The following CCNG2 variants were observed in gnomAD, a reference collection of about 807,000 sequenced individuals.
The protein encoded by CCNG2 is cyclin-G2.
CCNG2 carries 20 observed loss-of-function variants against 36.5 expected under a neutral mutation model. That is an observed-to-expected ratio of 0.55 (90% CI 0.39 to 0.80). The LOEUF (loss-of-function observed/expected upper bound fraction) is 0.80. Ranked by LOEUF, CCNG2 falls within the 30% of genes least tolerant of loss-of-function variation. CCNG2 has a pLI of 0.00. For missense variants in CCNG2, 358 were observed against 390.8 expected (o/e 0.92, Z 0.71); for synonymous variants, 155 against 140.1 (o/e 1.11, Z -0.75).
chr4:77,165,650 T>C, intron 7 of CCNG2, 151 bp from the exon 8 acceptor site: 1 of 574,876 alleles, frequency 1.7e-6, no homozygotes, highest in Non-Finnish European at 2.9e-6. Flanking sequence ...AGACTTCATT[T>C]AGGAAGTCCT....
At position 77,160,778 on chromosome 4, in the gene CCNG2, A is replaced by G. The variant is rs1397806842; in HGVS notation, c.334A>G (p.Ile112Val). ...CTGTTCTTTTTTGCTGGCTGCTAGA[A>G]TAGTTGAAGAAGACTGCAATATTCC... is the stretch of plus-strand genomic sequence containing the variant. ...GVCSFLLAAR[I>V]VEEDCNIPST... Residue 112 changes from isoleucine to valine, a missense_variant, in exon 4 of 8, where the codon ATA (isoleucine) becomes GTA (valine). Transcript: ENST00000316355. The G allele has an allele frequency of 6.2e-7, 1 of 1,614,078 alleles. No homozygotes were observed. The highest frequency in any genetic ancestry group is 8.5e-7 in the Non-Finnish European group (1 of 1,179,972).
chr4:77,165,585 G>A (rs1449825852), intron 7 of CCNG2, among the ~76,000 whole-genome samples: 1 of 151,882 alleles, frequency 6.6e-6, no homozygotes, highest in Non-Finnish European at 1.5e-5. Flanking sequence ...AGGATGACAG[G>A]GATGAGCCAC....
At chr4:77,158,482 C>T in intron 1 of CCNG2, 51 bp from the exon 2 acceptor site, 1 of 1,603,500 alleles carries the variant, frequency 6.2e-7, no homozygotes, top group Non-Finnish European at 8.5e-7. Context: ...TCCCGCTTCC[C>T]CACCCCTCTT....
At chr4:77,161,852 A>C (rs1156753979) in intron 6 of CCNG2, 105 bp downstream of exon 6, 2 of 685,720 alleles carry the variant, frequency 2.9e-6, no homozygotes, top group Non-Finnish European at 4.9e-6. Context: ...CTTAACTTTT[A>C]CACTTGTTTT....
intron 3 of CCNG2, 68 bp downstream of exon 3, chr4:77,159,572 G>T (rs931246994): frequency 1.3e-6 from 2 of 1,482,494 alleles, no homozygotes; most frequent in Non-Finnish European, 1.8e-6. Context: ...CAGGGTTCAA[G>T]AAATATTTAT....
rs755836994 is a variant in CCNG2 at position 77,158,646 on chromosome 4, G to C, written c.114G>C (p.Leu38=). ...GATTCCAACCTCGAGAAAAAGGGCT[G>C]AGTTTGATTGAGGCTACCCCGGAGG... The part of the protein sequence containing the change: ...EERFQPREKG[L]SLIEATPEND... Residue 38 remains leucine (L), a synonymous_variant, in exon 2 of 8, where the codon CTG becomes CTC. Transcript: ENST00000316355. 3.7e-6 allele frequency: 6 copies of C among 1,614,174 alleles called. No homozygotes were observed. In the South Asian group the frequency reaches 4.4e-5, roughly 12 times the overall value.
Position 77,161,655 on chromosome 4 carries a change from G to T in CCNG2, c.613G>T (p.Val205Leu), listed in dbSNP as rs951571733. 9 of 1,601,160 alleles carry T rather than the reference G, an allele frequency of 5.6e-6. No individual in the cohort carries two copies. The highest frequency in any genetic ancestry group is 7.7e-6 in the Non-Finnish European group (9 of 1,173,916). ...RLIFSKAKPSVLALCLLNLEV... is the reference protein window; with the variant it reads ...RLIFSKAKPSLLALCLLNLEV... Reference sequence around the variant, plus strand: ...TTTTTCTTTTTTCTTACAGCCATCTGTATTAGCCTTGTGCCTTCTCAATTT... The same window carrying T: ...TTTTTCTTTTTTCTTACAGCCATCTTTATTAGCCTTGTGCCTTCTCAATTT... The change falls in exon 6 of 8, where the codon GTA (valine) becomes TTA (leucine). Residue 205 changes from valine to leucine, a missense_variant. Coordinates refer to ENST00000316355, the MANE Select transcript of CCNG2 (RefSeq NM_004354.3).
At chr4:77,158,413 G>T in intron 1 of CCNG2, 120 bp from the exon 2 acceptor site, 2 of 951,026 alleles carry the variant, frequency 2.1e-6, no homozygotes, top group African/African-American at 1.6e-5. Context: ...CCCTTCACCC[G>T]CTCCTTGTCG....
chr4:77,161,990 A>G (rs1333549196), intron 6 of CCNG2, among the ~76,000 whole-genome samples: 1 of 152,220 alleles, frequency 6.6e-6, no homozygotes, highest in Non-Finnish European at 1.5e-5. Context: ...TGTAGTAATC[A>G]TGCCATATGA....
chr4:77,165,828 TGGAGA>T lies in CCNG2; in HGVS notation c.946_950del (p.Glu316SerfsTer8), dbSNP rs751190368. On this transcript the variant is annotated frameshift_variant, in exon 8 of 8. Coordinates refer to ENST00000316355, the MANE Select transcript of CCNG2 (RefSeq NM_004354.3). LOFTEE classifies it high-confidence loss of function. ...AGGACTCTTGTGAAGATATGAGTTG[TGGAGA>T]GGAGAGTCTCAGCAGCTCTCCTCCC... 1 of 1,606,880 alleles carries T rather than the reference TGGAGA, an allele frequency of 6.2e-7. No individual in the cohort carries two copies. The highest frequency in any genetic ancestry group is 1.3e-5 in the African/African-American group (1 of 74,586).
chr4:77,158,579 A>G lies in CCNG2; in HGVS notation c.47A>G (p.Gln16Arg), dbSNP rs1475657206. Reference protein sequence around the residue: ...AEHLAGHEGVQLLGLLNVYLE... With the variant: ...AEHLAGHEGVRLLGLLNVYLE... ...CACTTGGCAGGTCATGAAGGGGTCC[A>G]ACTTCTCGGGTTGTTGAACGTCTAC... The change falls in exon 2 of 8, where the codon CAA becomes CGA. Residue 16 changes from glutamine to arginine, a missense_variant. By Grantham distance (43) the Gln-to-Arg change is conservative. Coordinates refer to ENST00000316355, the MANE Select transcript of CCNG2 (RefSeq NM_004354.3). The G allele has an allele frequency of 2.5e-6, 4 of 1,614,052 alleles. No individual in the cohort carries two copies. The highest frequency in any genetic ancestry group is 3.4e-6 in the Non-Finnish European group (4 of 1,180,034).
intron 5 of CCNG2, 36 bp downstream of exon 5, chr4:77,161,594 GT>G: frequency 1.3e-6 from 2 of 1,575,432 alleles, no homozygotes; most frequent in Non-Finnish European, 1.7e-6. Context: ...ATATCTCACA[GT>G]TTGTATTTTG....
At position 77,158,587 on chromosome 4, in the gene CCNG2, G is replaced by A; in HGVS notation, c.55G>A (p.Gly19Arg). The A allele has an allele frequency of 6.2e-7, 1 of 1,614,114 alleles. No homozygotes were observed. Among genetic ancestry groups the A allele is most frequent in the South Asian group, 1.1e-5 (1 of 91,080 alleles). Reference sequence around the variant, plus strand: ...AGGTCATGAAGGGGTCCAACTTCTCGGGTTGTTGAACGTCTACCTGGAACA... The same window carrying A: ...AGGTCATGAAGGGGTCCAACTTCTCAGGTTGTTGAACGTCTACCTGGAACA... ...LAGHEGVQLL[G>R]LLNVYLEQEE... Residue 19 changes from glycine to arginine, a missense_variant, in exon 2 of 8, where the codon GGG becomes AGG. Physicochemically the swap from Gly to Arg is moderately radical, Grantham distance 125. Transcript: ENST00000316355.
In CCNG2 at chr4:77,167,775, C is replaced by T. The variant is rs1731664024; in HGVS notation, c.*1851C>T. 1 of 146,016 alleles carries T rather than the reference C, an allele frequency of 6.8e-6. No homozygotes were observed. Among genetic ancestry groups the T allele is most frequent in the East Asian group, 1.9e-4 (1 of 5,198 alleles). The allele number at this position is 146,016 out of a possible 1,614,324, so 9.0% of individuals were successfully genotyped here. ...ATATGGTTTTCATGTAACACCTCTTCTCTGGAGATAGGGGTATGTTTTCCT... is the reference window on the plus strand; with the variant it reads ...ATATGGTTTTCATGTAACACCTCTTTTCTGGAGATAGGGGTATGTTTTCCT... On this transcript the variant is annotated 3_prime_UTR_variant, in exon 8 of 8. Coordinates refer to ENST00000316355, the MANE Select transcript of CCNG2 (RefSeq NM_004354.3).
chr4:77,157,780 C>G (rs929442267), intron 1 of CCNG2, among the ~76,000 whole-genome samples: 4 of 152,158 alleles, frequency 2.6e-5, no homozygotes, highest in African/African-American at 9.6e-5. Flanking sequence ...CGGGGACTTG[C>G]TGGCGTGGTG....
At position 77,158,332 on chromosome 4, in the gene CCNG2, G is replaced by C; in HGVS notation, c.1-201G>C. ...AGCGCTGGCCGGCGGACCTGACCAC[G>C]GCTCCTCCCCCTGCCACACCTCCCT... is the stretch of plus-strand genomic sequence containing the variant. On this transcript the variant is annotated intron_variant, in intron 1 of 7. Transcript: ENST00000316355. 7.0e-6 allele frequency: 4 copies of C among 568,552 alleles called. 1 individual carries two copies. The South Asian group carries it at 8.6e-5, about 12-fold the overall frequency. The allele number at this position is 568,552 out of a possible 1,614,324, so 35.2% of individuals were successfully genotyped here.
chr4:77,164,961 G>A (rs1731590497), intron 7 of CCNG2: 1 of 153,382 alleles, frequency 6.5e-6, no homozygotes, highest in South Asian at 2.0e-4. Flanking sequence ...ATGTTAGTAT[G>A]AATTCCTAAT....
chr4:77,162,828 T>C (rs1173600691), intron 6 of CCNG2, among the ~76,000 whole-genome samples: 1 of 151,942 alleles, frequency 6.6e-6, no homozygotes, highest in African/African-American at 2.4e-5. Flanking sequence ...TAGACAGATA[T>C]AAAAGTCATT....
intron 1 of CCNG2, among the ~76,000 whole-genome samples, chr4:77,157,746 C>T (rs938360194): frequency 3.3e-5 from 5 of 151,932 alleles, no homozygotes; most frequent in African/African-American, 1.2e-4. Context: ...GCCTCGGTGC[C>T]CCCCGCCCCC....
Sources: allele counts gnomAD v4.1 joint callset (sites outside exome capture counted in the v4.1 genomes callset), GRCh38; gene constraint gnomAD v4.1.1; transcripts MANE v1.5; gene names NCBI Gene and HGNC (gene_info 2026-07-23, HGNC 2026-07-21).